Variants in FRMD4B observed in about 807,000 individuals in gnomAD.
The protein encoded by FRMD4B is FERM domain containing 4B.
A neutral mutation model predicts 141.5 loss-of-function variants in FRMD4B; 74 were observed. The ratio of observed to expected loss-of-function variants is 0.52; its 90% CI spans 0.43 to 0.63. The LOEUF (loss-of-function observed/expected upper bound fraction) is 0.63, where lower values mean the gene tolerates loss of function less well. Ranked by LOEUF, FRMD4B falls within the 30% of genes least tolerant of loss-of-function variation. The pLI is 0.00. For synonymous variants in FRMD4B, 506 were observed against 467.9 expected (o/e 1.08, Z -1.05); for missense variants, 1,366 against 1,253.4 (o/e 1.09, Z -1.36).
At chr3:69,274,641 C>T in intron 5 of FRMD4B, among the ~76,000 whole-genome samples, 1 of 152,148 alleles carries the variant, frequency 6.6e-6, no homozygotes, top group East Asian at 1.9e-4. Flanking sequence ...GCCTCAATCT[C>T]CCAAGTAGCT....
In FRMD4B at chr3:69,181,675, C is replaced by T; in HGVS notation, c.2075G>A (p.Ser692Asn). The change falls in exon 21 of 23, where the codon AGT becomes AAT. Residue 692 changes from serine to asparagine, a missense_variant. Physicochemically the swap from Ser to Asn is conservative, Grantham distance 46 (BLOSUM62 1). Transcript: ENST00000398540. Reference protein sequence around the residue: ...ESSSQHCRQRSGSLESQSHLL... With the variant: ...ESSSQHCRQRNGSLESQSHLL... Reference sequence around the variant, plus strand: ...GTGGGACTGGGACTCCAGGCTTCCACTCCGCTGGCGGCAGTGCTGAGATGA... The same window carrying T: ...GTGGGACTGGGACTCCAGGCTTCCATTCCGCTGGCGGCAGTGCTGAGATGA... The T allele has an allele frequency of 6.2e-7, 1 of 1,613,506 alleles. No homozygotes were observed.
intron 2 of FRMD4B, among the ~76,000 whole-genome samples, chr3:69,413,220 T>C (rs751430872): frequency 1.1e-4 from 16 of 152,180 alleles, no homozygotes; most frequent in African/African-American, 3.9e-4. Flanking sequence ...TTAGTATTTA[T>C]TGAGCATGAA....
chr3:69,184,853 A>C (rs1311337604), intron 19 of FRMD4B, among the ~76,000 whole-genome samples: 1 of 152,138 alleles, frequency 6.6e-6, no homozygotes, highest in African/African-American at 2.4e-5. Context: ...ATGACTGAGG[A>C]ACCAAATTTT....
chr3:69,452,205 GT>G, intron 1 of FRMD4B, among the ~76,000 whole-genome samples: 1 of 152,346 alleles, frequency 6.6e-6, no homozygotes, highest in Non-Finnish European at 1.5e-5. Context: ...AAGAGAAATA[GT>G]TTATGTCCTC....
chr3:69,425,552 T>G (rs1705062459), intron 2 of FRMD4B, among the ~76,000 whole-genome samples: 1 of 152,206 alleles, frequency 6.6e-6, no homozygotes, highest in African/African-American at 2.4e-5. Context: ...GATCTGCAAT[T>G]CAATAACATG....
At chr3:69,393,166 C>G (rs1481568155) in intron 2 of FRMD4B, among the ~76,000 whole-genome samples, 2 of 152,042 alleles carry the variant, frequency 1.3e-5, no homozygotes, top group African/African-American at 4.8e-5. Flanking sequence ...TATTCAGCGT[C>G]TATTCTTTGG....
intron 7 of FRMD4B, among the ~76,000 whole-genome samples, chr3:69,248,244 T>TACAC (rs147851519): frequency 0.21 from 32,052 of 150,692 alleles, 3,430 homozygotes; most frequent in African/African-American, 0.25. Flanking sequence ...AAAATGTAAA[T>TACAC]ACACACACAC....
At chr3:69,475,573 A>G (rs1705979491) in intron 1 of FRMD4B, among the ~76,000 whole-genome samples, 1 of 152,104 alleles carries the variant, frequency 6.6e-6, no homozygotes, top group African/African-American at 2.4e-5. Flanking sequence ...TCCATGGTGT[A>G]TATGTGCCAT....
chr3:69,296,848 A>G (rs1242700000), intron 4 of FRMD4B, among the ~76,000 whole-genome samples: 1 of 152,172 alleles, frequency 6.6e-6, no homozygotes, highest in African/African-American at 2.4e-5. Flanking sequence ...TGCTCAAGTA[A>G]TATGTTCATT....
intron 1 of FRMD4B, among the ~76,000 whole-genome samples, chr3:69,350,443 A>G (rs1189260326): frequency 6.6e-6 from 1 of 152,190 alleles, no homozygotes; most frequent in Admixed American, 6.5e-5. Flanking sequence ...AGCAGTAGAA[A>G]TACCATTTGA....
intron 1 of FRMD4B, among the ~76,000 whole-genome samples, chr3:69,329,673 G>A (rs903931457): frequency 3.3e-5 from 5 of 151,254 alleles, no homozygotes; most frequent in Admixed American, 6.6e-5. Flanking sequence ...GATTACAGGC[G>A]CCCGCCACCA....
rs1253966251 is a variant in FRMD4B at position 69,481,604 on chromosome 3, G to A, written c.-128-48843C>T. On this transcript the variant is annotated intron_variant, in intron 1 of 5. Transcript: ENST00000459638. The stretch of plus-strand genomic sequence containing the variant: ...GGAGGTACTCAGGGGCTCAAATGCA[G>A]CCAAGACACTTAACTCTTTCTGCCT... Among the ~76,000 whole-genome samples the A allele has an allele frequency of 2.6e-5, 4 of 152,170 alleles. No individual in the cohort carries two copies. In the East Asian group the frequency reaches 5.8e-4, roughly 22 times the overall value.
intron 2 of FRMD4B, 68 bp from the exon 3 acceptor site, chr3:69,311,425 G>A: frequency 1.4e-6 from 1 of 703,196 alleles, no homozygotes; most frequent in South Asian, 1.7e-5. Flanking sequence ...ACCTTCCTCT[G>A]CCCTAAATAA....
At chr3:69,377,805 T>C (rs1361159834) in intron 1 of FRMD4B, among the ~76,000 whole-genome samples, 1 of 141,602 alleles carries the variant, frequency 7.1e-6, no homozygotes, top group Non-Finnish European at 1.5e-5. Context: ...TTAATCCTAC[T>C]TCTTCTTCTT....
chr3:69,335,352 CT>C (rs927879791), intron 1 of FRMD4B, among the ~76,000 whole-genome samples: 15 of 143,458 alleles, frequency 1.0e-4, no homozygotes, highest in South Asian at 4.5e-4. Context: ...TGTTGCATAA[CT>C]TTTTTTTTTC....
intron 1 of FRMD4B, among the ~76,000 whole-genome samples, chr3:69,523,650 T>C (rs961200856): frequency 6.6e-6 from 1 of 152,146 alleles, no homozygotes; most frequent in Non-Finnish European, 1.5e-5. Context: ...CAGAGCCATA[T>C]TTAGCAGTGT....
At chr3:69,493,202 A>G (rs1706330353) in intron 1 of FRMD4B, among the ~76,000 whole-genome samples, 1 of 152,188 alleles carries the variant, frequency 6.6e-6, no homozygotes, top group South Asian at 2.1e-4. Context: ...GGCCAAATAA[A>G]CTTGTCAATT....
intron 1 of FRMD4B, among the ~76,000 whole-genome samples, chr3:69,477,291 A>G (rs1706018485): frequency 6.7e-6 from 1 of 148,780 alleles, no homozygotes; most frequent in African/African-American, 2.6e-5. Context: ...CCAGTTTTCA[A>G]AGGGAATGCT....
chr3:69,362,490 CA>C (rs1703497514), intron 1 of FRMD4B, among the ~76,000 whole-genome samples: 1 of 152,108 alleles, frequency 6.6e-6, no homozygotes, highest in Non-Finnish European at 1.5e-5. Flanking sequence ...CCAGCCTGAC[CA>C]ACATGGTAAC....
Sources: allele counts gnomAD v4.1 joint callset (sites outside exome capture counted in the v4.1 genomes callset), GRCh38; gene constraint gnomAD v4.1.1; transcripts MANE v1.5; gene names NCBI Gene and HGNC (gene_info 2026-07-23, HGNC 2026-07-21).